IRAK2: variants seen among roughly 807,000 people sequenced by gnomAD.
The protein encoded by IRAK2 is interleukin 1 receptor associated kinase 2.
In IRAK2, 57 loss-of-function variants were observed where a neutral mutation model predicts 72.0. The observed-to-expected ratio is 0.79, with a 90% CI of 0.64 to 0.99. The LOEUF is 0.99. Among genes scored for constraint, IRAK2 ranks in the 50% least tolerant of loss-of-function variants. The pLI, the probability that IRAK2 is intolerant of heterozygous loss-of-function variation, is 0.00. For synonymous variants in IRAK2, 293 were observed against 312.7 expected, an observed-to-expected ratio of 0.94 and a Z score of 0.67; for missense variants, 790 against 794.4, an observed-to-expected ratio of 0.99 and a Z score of 0.07.
At position 10,219,654 on chromosome 3, in the gene IRAK2, T is replaced by A; in HGVS notation, c.904-26T>A. 8 of 1,564,480 alleles carry A rather than the reference T, an allele frequency of 5.1e-6. No homozygotes were observed. The South Asian group carries it at 8.9e-5, about 17-fold the overall frequency. On this transcript the variant is annotated intron_variant, in intron 7 of 12. Coordinates refer to ENST00000256458, the MANE Select transcript of IRAK2 (RefSeq NM_001570.4). ...TTTAAAAAGGTACATTGTGACTATT[T>A]GTCCTCCTGCTTTTCTTTCTCTTAG...
chr3:10,241,558 C>T (rs1698060823), intron 12 of IRAK2, among the ~76,000 whole-genome samples: 1 of 60,966 alleles, frequency 1.6e-5, no homozygotes, highest in Non-Finnish European at 2.8e-5. Context: ...GACTCCATCT[C>T]AACAAATGAT....
rs1559448697 is a variant in IRAK2 at position 10,213,264 on chromosome 3, CT to C, written c.590del (p.Phe197SerfsTer173). 6.2e-7 allele frequency: 1 copy of C among 1,614,164 alleles called. No homozygotes were observed. The highest frequency in any genetic ancestry group is 1.7e-5 in the Admixed American group (1 of 59,994). ...EKLLSLAGDSLFWSEADVVQA... is the reference protein window; with the variant it reads ...EKLLSLAGDSXFWSEADVVQA... Reference sequence around the variant, plus strand: ...ACTTTTGAGCTTGGCTGGAGACAGCCTTTTCTGGAGTGAGGCAGACGTGGTC... The same window carrying C: ...ACTTTTGAGCTTGGCTGGAGACAGCCTTTCTGGAGTGAGGCAGACGTGGTC... On this transcript the variant is annotated frameshift_variant, in exon 5 of 13. Coordinates refer to ENST00000256458, the MANE Select transcript of IRAK2 (RefSeq NM_001570.4). LOFTEE classifies it high-confidence loss of function.
chr3:10,201,055 A>G (rs1006771342), intron 3 of IRAK2, among the ~76,000 whole-genome samples: 2 of 152,236 alleles, frequency 1.3e-5, no homozygotes, highest in Non-Finnish European at 2.9e-5. Context: ...AAATCAGGTA[A>G]CAAAATGTAT....
At chr3:10,232,082 G>A (rs1347189912) in intron 10 of IRAK2, among the ~76,000 whole-genome samples, 7 of 152,148 alleles carry the variant, frequency 4.6e-5, no homozygotes, top group Non-Finnish European at 7.4e-5. Flanking sequence ...AGCCGAGATC[G>A]TGCCACTGCA....
chr3:10,175,360 C>T (rs1431178010), intron 1 of IRAK2, among the ~76,000 whole-genome samples: 1 of 151,888 alleles, frequency 6.6e-6, no homozygotes, highest in African/African-American at 2.4e-5. Context: ...CTCCTGACCT[C>T]AGGTGATCCA....
At chr3:10,181,758 G>A (rs1263161288) in intron 2 of IRAK2, among the ~76,000 whole-genome samples, 2 of 152,044 alleles carry the variant, frequency 1.3e-5, no homozygotes, top group Non-Finnish European at 2.9e-5. Context: ...CTTCTGCGAG[G>A]ACATCTGCCC....
At chr3:10,182,948 T>G (rs1041014956) in intron 2 of IRAK2, among the ~76,000 whole-genome samples, 3 of 151,990 alleles carry the variant, frequency 2.0e-5, no homozygotes, top group African/African-American at 4.8e-5. Flanking sequence ...GTTTTTGAAT[T>G]TTTAATAGAG....
At chr3:10,226,330 G>GA in intron 9 of IRAK2, 41 bp from the exon 10 acceptor site, 1 of 1,546,684 alleles carries the variant, frequency 6.5e-7, no homozygotes, top group South Asian at 1.1e-5. Flanking sequence ...CTGTGTGCAC[G>GA]AGCGTCTGAA....
intron 1 of IRAK2, among the ~76,000 whole-genome samples, chr3:10,167,451 G>T (rs1310154241): frequency 3.3e-5 from 5 of 149,666 alleles, no homozygotes; most frequent in Admixed American, 6.7e-5. Context: ...GTCTCGCTTT[G>T]TCACCCAGGC....
chr3:10,235,798 AC>A (rs1697946981), intron 11 of IRAK2, among the ~76,000 whole-genome samples: 1 of 152,120 alleles, frequency 6.6e-6, no homozygotes, highest in Non-Finnish European at 1.5e-5. Flanking sequence ...AGGCCACAGA[AC>A]TTGTTTTTGT....
In IRAK2 at chr3:10,208,951, T is replaced by C. The variant is rs181375601; in HGVS notation, c.425-638T>C. ...TAACTCATGTACCTAGATGTTAACT[T>C]ACTCCAGCCCCGGGCCCTTCTACTG... On this transcript the variant is annotated intron_variant, in intron 3 of 12. Transcript: ENST00000256458. 1.7e-3 allele frequency among the ~76,000 whole-genome samples: 262 copies of C among 152,112 alleles called. 6 individuals are homozygous for C. The South Asian group carries it at 0.043, about 25-fold the overall frequency.
intron 4 of IRAK2, among the ~76,000 whole-genome samples, chr3:10,211,798 C>T (rs1449760164): frequency 6.6e-6 from 1 of 152,054 alleles, no homozygotes; most frequent in African/African-American, 2.4e-5. Flanking sequence ...GAAATTTAGG[C>T]CGGGCGCGGT....
intron 1 of IRAK2, among the ~76,000 whole-genome samples, chr3:10,169,296 C>A (rs543752864): frequency 1.3e-5 from 2 of 152,196 alleles, no homozygotes; most frequent in African/African-American, 4.8e-5. Context: ...GGAGAGCAGA[C>A]AACCCGTCTG....
At chr3:10,236,903 A>G (rs1228320747) in intron 11 of IRAK2, among the ~76,000 whole-genome samples, 1 of 152,216 alleles carries the variant, frequency 6.6e-6, no homozygotes, top group African/African-American at 2.4e-5. Flanking sequence ...TTAATGTGGC[A>G]GTGCCACAGT....
At chr3:10,184,179 A>C (rs1424385025) in intron 2 of IRAK2, among the ~76,000 whole-genome samples, 1 of 152,204 alleles carries the variant, frequency 6.6e-6, no homozygotes, top group African/African-American at 2.4e-5. Flanking sequence ...TTGCTCACCT[A>C]CTTTCCCTCA....
At chr3:10,187,491 G>A (rs996867369) in intron 2 of IRAK2, among the ~76,000 whole-genome samples, 2 of 152,198 alleles carry the variant, frequency 1.3e-5, no homozygotes, top group South Asian at 4.1e-4. Context: ...GGCATCTGCA[G>A]TAGCAGATCA....
rs760480758 is a variant in IRAK2, at chr3:10,213,524, A to G, written c.764A>G (p.Gln255Arg). Residue 255 changes from glutamine (Q) to arginine (R), a missense_variant, in exon 6 of 13, where the codon CAG becomes CGG. By Grantham distance (43) the Gln-to-Arg change is conservative. Coordinates refer to ENST00000256458, the MANE Select transcript of IRAK2 (RefSeq NM_001570.4). ...SSPGSIERFF[Q>R]AELQICLRCC... The stretch of plus-strand genomic sequence containing the variant: ...CCAGGATCAATCGAAAGATTCTTCC[A>G]GGCAGAGTTGCAGATTTGTCTTAGG... The G allele has an allele frequency of 2.2e-5, 36 of 1,614,126 alleles. No homozygotes were observed. In the South Asian group the frequency reaches 3.8e-4, roughly 17 times the overall value.
chr3:10,213,969 C>G (rs1217503571), intron 6 of IRAK2, among the ~76,000 whole-genome samples: 1 of 151,636 alleles, frequency 6.6e-6, no homozygotes, highest in Non-Finnish European at 1.5e-5. Flanking sequence ...TGCTCTGTCT[C>G]CCAGGCTGGA....
Position 10,238,893 on chromosome 3 carries a change from C to G in IRAK2, c.1619C>G (p.Ser540Cys). 1 of 1,614,158 alleles carries G rather than the reference C, an allele frequency of 6.2e-7. No individual in the cohort carries two copies. The highest frequency in any genetic ancestry group is 8.5e-7 in the Non-Finnish European group (1 of 1,180,022). The stretch of plus-strand genomic sequence containing the variant: ...GTTGACAATTCCAGCCTTGATGCCT[C>G]CTCCTCCATGAGTGTGGCACCCTGG... ...DDVDNSSLDA[S>C]SSMSVAPWAG... Residue 540 changes from serine (S) to cysteine (C), a missense_variant, in exon 12 of 13, where the codon TCC becomes TGC. Coordinates refer to ENST00000256458, the MANE Select transcript of IRAK2 (RefSeq NM_001570.4).
Sources: allele counts gnomAD v4.1 joint callset (sites outside exome capture counted in the v4.1 genomes callset), GRCh38; gene constraint gnomAD v4.1.1; transcripts MANE v1.5; gene names NCBI Gene and HGNC (gene_info 2026-07-23, HGNC 2026-07-21).